LRFN5: variants seen among roughly 807,000 people sequenced by gnomAD.
LRFN5 encodes the protein leucine-rich repeat and fibronectin type-III domain-containing protein 5.
Under a neutral mutation model 45.6 loss-of-function variants are expected in LRFN5, and 24 were observed. The ratio of observed to expected loss-of-function variants is 0.53; its 90% CI spans 0.38 to 0.74. LRFN5 has a LOEUF of 0.74. LRFN5 is among the 30% of genes least tolerant of loss of function. LRFN5 has a pLI of 0.00. For synonymous variants in LRFN5, 340 were observed against 313.8 expected (o/e 1.08, Z -0.88); for missense variants, 776 against 861.5 (o/e 0.90, Z 1.24).
intron 1 of LRFN5, among the ~76,000 whole-genome samples, chr14:41,721,302 A>G (rs1044983746): frequency 4.6e-5 from 7 of 152,222 alleles, no homozygotes; most frequent in Admixed American, 4.6e-4. Context: ...CAGCAGATGG[A>G]TGAATCTTGC....
chr14:41,627,143 G>A (rs867313264), intron 1 of LRFN5, among the ~76,000 whole-genome samples: 18 of 152,006 alleles, frequency 1.2e-4, no homozygotes, highest in South Asian at 2.1e-4. Context: ...ACTTTATATT[G>A]AGATATAATT....
chr14:41,766,167 CAG>C (rs1231954473), intron 1 of LRFN5, among the ~76,000 whole-genome samples: 6 of 152,044 alleles, frequency 3.9e-5, no homozygotes, highest in African/African-American at 1.2e-4. Flanking sequence ...TTACAAATAT[CAG>C]TGATTGAATA....
At chr14:41,832,462 C>T (rs913486275) in intron 2 of LRFN5, among the ~76,000 whole-genome samples, 3 of 152,060 alleles carry the variant, frequency 2.0e-5, no homozygotes, top group Non-Finnish European at 4.4e-5. Context: ...CATTGTTGTG[C>T]CCCTAAGTGG....
At chr14:41,676,679 C>T (rs184546861) in intron 1 of LRFN5, among the ~76,000 whole-genome samples, 30 of 152,118 alleles carry the variant, frequency 2.0e-4, no homozygotes, top group Admixed American at 5.9e-4. Context: ...GGAACAGACT[C>T]GAAAGCATCC....
intron 2 of LRFN5, among the ~76,000 whole-genome samples, chr14:41,867,853 A>G (rs548702220): frequency 1.6e-3 from 246 of 151,610 alleles, no homozygotes; most frequent in African/African-American, 5.8e-3. Context: ...AACTGGGAAT[A>G]TTTTTTTCAT....
At chr14:41,711,351 G>T (rs1883277202) in intron 1 of LRFN5, among the ~76,000 whole-genome samples, 1 of 152,282 alleles carries the variant, frequency 6.6e-6, no homozygotes, top group Middle Eastern at 3.4e-3. Flanking sequence ...TGGGTACATG[G>T]TGCAGAGGAC....
intron 1 of LRFN5, among the ~76,000 whole-genome samples, chr14:41,655,336 A>G (rs2138627574): frequency 6.6e-6 from 1 of 152,180 alleles, no homozygotes; most frequent in East Asian, 1.9e-4. Flanking sequence ...ATATTTGAAC[A>G]GAGACCTGAA....
intron 1 of LRFN5, among the ~76,000 whole-genome samples, chr14:41,721,879 C>A (rs977497608): frequency 2.0e-5 from 3 of 152,022 alleles, no homozygotes; most frequent in African/African-American, 7.2e-5. Flanking sequence ...TCTCACAGTT[C>A]TTCTCTGGGT....
intron 2 of LRFN5, among the ~76,000 whole-genome samples, chr14:41,801,944 A>C (rs1054199287): frequency 3.9e-5 from 6 of 152,104 alleles, no homozygotes; most frequent in African/African-American, 1.4e-4. Context: ...CTCAATGAAG[A>C]AGCAGAAAGG....
chr14:41,845,533 T>C (rs1889032028), intron 2 of LRFN5, among the ~76,000 whole-genome samples: 1 of 152,116 alleles, frequency 6.6e-6, no homozygotes, highest in African/African-American at 2.4e-5. Flanking sequence ...CTTGTTTTTC[T>C]CTGTTCTCTC....
At chr14:41,674,751 T>G (rs979309965) in intron 1 of LRFN5, among the ~76,000 whole-genome samples, 19 of 150,466 alleles carry the variant, frequency 1.3e-4, no homozygotes, top group Admixed American at 1.3e-3. Context: ...GCGGAGACGC[T>G]CCTCACTTCC....
At chr14:41,671,031 A>C (rs1881183655) in intron 1 of LRFN5, among the ~76,000 whole-genome samples, 1 of 151,844 alleles carries the variant, frequency 6.6e-6, no homozygotes, top group Non-Finnish European at 1.5e-5. Context: ...AGTAACCATT[A>C]ATATTTAGAA....
intron 2 of LRFN5, among the ~76,000 whole-genome samples, chr14:41,857,372 A>C (rs1259504083): frequency 1.3e-5 from 2 of 152,166 alleles, no homozygotes; most frequent in African/African-American, 4.8e-5. Flanking sequence ...GACAGATACC[A>C]TTCATTTTGT....
intron 1 of LRFN5, among the ~76,000 whole-genome samples, chr14:41,667,025 A>G (rs1880933005): frequency 1.3e-5 from 2 of 152,128 alleles, no homozygotes; most frequent in South Asian, 4.1e-4. Context: ...TTAAAAGTCT[A>G]CTTTACAGTC....
intron 1 of LRFN5, among the ~76,000 whole-genome samples, chr14:41,644,325 A>T (rs1879714070): frequency 6.6e-6 from 1 of 152,230 alleles, no homozygotes; most frequent in Non-Finnish European, 1.5e-5. Flanking sequence ...TGGTCGTTGA[A>T]TTTATTAGAT....
chr14:41,655,420 G>A (rs1880332637), intron 1 of LRFN5, among the ~76,000 whole-genome samples: 1 of 151,982 alleles, frequency 6.6e-6, no homozygotes, highest in African/African-American at 2.4e-5. Context: ...AAAAAAGCAT[G>A]TCTAGAATGA....
At chr14:41,843,695 C>T (rs2415691) in intron 2 of LRFN5, among the ~76,000 whole-genome samples, 114,276 of 152,064 alleles carry the variant, frequency 0.75, 43,644 homozygotes, top group African/African-American at 0.9. Flanking sequence ...ATAAATTGTA[C>T]TAATACTTTC....
chr14:41,887,484 C>T lies in LRFN5; in HGVS notation c.859C>T (p.Pro287Ser). The T allele has an allele frequency of 6.2e-7, 1 of 1,614,172 alleles. No individual in the cohort carries two copies. Among genetic ancestry groups the T allele is most frequent in the Non-Finnish European group, 8.5e-7 (1 of 1,180,028 alleles). Reference sequence around the variant, plus strand: ...TGAAGAAGAGTTTTTGTGTGAGCCTCCTCTCATTACTCGTCATACACATGA... The same window carrying T: ...TGAAGAAGAGTTTTTGTGTGAGCCTTCTCTCATTACTCGTCATACACATGA... ...IPEEEFLCEP[P>S]LITRHTHEMR... Residue 287 changes from proline to serine, a missense_variant, in exon 3 of 6, where the codon CCT becomes TCT. Coordinates refer to ENST00000298119, the MANE Select transcript of LRFN5 (RefSeq NM_152447.5). The surrounding 1 kb of genome is among the most constrained non-coding windows in gnomAD (Gnocchi z 4.8).
intron 1 of LRFN5, among the ~76,000 whole-genome samples, chr14:41,736,554 A>G (rs1884440211): frequency 1.3e-5 from 2 of 152,228 alleles, no homozygotes; most frequent in South Asian, 4.1e-4. Flanking sequence ...TTGCCTGTTC[A>G]CTTCGGTGAT....
Sources: gnomAD v4.1 joint callset for allele counts (sites outside exome capture counted in the v4.1 genomes callset) on GRCh38, gnomAD v4.1.1 for gene constraint, Gnocchi (gnomAD v3.1) non-coding constraint, MANE v1.5 for transcripts, NCBI Gene and HGNC (gene_info 2026-07-23, HGNC 2026-07-21) for gene names.